Variants in TBCD observed in about 807,000 individuals in gnomAD.
The protein encoded by TBCD is tubulin-specific chaperone D.
TBCD carries 105 observed loss-of-function variants against 169.3 expected under a neutral mutation model. The observed-to-expected ratio is 0.62, with a 90% CI of 0.53 to 0.73. The LOEUF (loss-of-function observed/expected upper bound fraction) is 0.73. Ranked by LOEUF, TBCD falls within the 30% of genes least tolerant of loss-of-function variation. The pLI, the probability that TBCD is intolerant of heterozygous loss-of-function variation, is 0.00. For missense variants in TBCD, 1,444 were observed against 1,600.1 expected (o/e 0.90, Z 1.66); for synonymous variants, 700 against 643.9 (o/e 1.09, Z -1.32).
At chr17:82,938,233 T>C (rs186124468) in intron 36 of TBCD, 97 bp downstream of exon 36, 2 of 1,379,242 alleles carry the variant, frequency 1.5e-6, no homozygotes. Flanking sequence ...TGGTGTGCTT[T>C]CCAGCCGAGC....
In TBCD at chr17:82,916,942, G is replaced by A. The variant is rs74001727; in HGVS notation, c.2039-3614G>A. Among the ~76,000 whole-genome samples, 820 of 151,116 alleles carry A rather than the reference G, an allele frequency of 5.4e-3. 8 individuals carry two copies. Among genetic ancestry groups the A allele is most frequent in the African/African-American group, 0.019 (779 of 41,144 alleles). ...TTACCCACGTCTTGTCTGGATCACC[G>A]CACTTAATTCTTTACGCCTCCTTAC... On this transcript the variant is annotated intron_variant, in intron 23 of 38. Coordinates refer to ENST00000355528, the MANE Select transcript of TBCD (RefSeq NM_005993.5).
Position 82,897,683 on chromosome 17 carries a change from C to T in TBCD, c.1650-2968C>T, listed in dbSNP as rs530965071. On this transcript the variant is annotated intron_variant, in intron 17 of 38. Transcript: ENST00000355528. Reference sequence around the variant, plus strand: ...ACTGTGGTCAGTGTGGTGCACATGACCCTCCCTCCAGGAGGCGCCATCCTG... The same window carrying T: ...ACTGTGGTCAGTGTGGTGCACATGATCCTCCCTCCAGGAGGCGCCATCCTG... 1.1e-4 allele frequency among the ~76,000 whole-genome samples: 17 copies of T among 152,326 alleles called. No individual in the cohort carries two copies. In the South Asian group the frequency reaches 3.1e-3, roughly 28 times the overall value.
chr17:82,828,744 C>T (rs1254330543), intron 13 of TBCD, among the ~76,000 whole-genome samples: 1 of 131,830 alleles, frequency 7.6e-6, no homozygotes, highest in African/African-American at 2.6e-5. Context: ...TGCACACACC[C>T]AGAGATGCAC....
At position 82,768,500 on chromosome 17, in the gene TBCD, G is replaced by T; in HGVS notation, c.516G>T (p.Gly172=). 2.5e-6 allele frequency: 4 copies of T among 1,613,762 alleles called. No individual in the cohort carries two copies. Among genetic ancestry groups the T allele is most frequent in the Non-Finnish European group, 3.4e-6 (4 of 1,179,814 alleles). Residue 172 remains glycine (G), a synonymous_variant, in exon 5 of 39, where the codon GGG becomes GGT. Transcript: ENST00000355528. ...CTTTTGATTTTTCTCGCCTTGACGGGAACCTCCTCACCCAGCCTGGGCAAG... is the reference window on the plus strand; with the variant it reads ...CTTTTGATTTTTCTCGCCTTGACGGTAACCTCCTCACCCAGCCTGGGCAAG... The part of the protein sequence containing the change: ...LIPFDFSRLD[G]NLLTQPGQAR...
At chr17:82,918,656 G>C (rs949695046) in intron 23 of TBCD, 5 of 152,126 alleles carry the variant, frequency 3.3e-5, no homozygotes, top group African/African-American at 1.2e-4. Context: ...GTGCCGTTTC[G>C]TGAGAGGCTG....
At chr17:82,804,333 C>T (rs920368346) in intron 9 of TBCD, among the ~76,000 whole-genome samples, 15 of 152,284 alleles carry the variant, frequency 9.9e-5, no homozygotes, top group African/African-American at 3.6e-4. Context: ...TTTTTCCTCA[C>T]AGTTTTGGTG....
At chr17:82,791,428 TG>T (rs762871064) in intron 7 of TBCD, among the ~76,000 whole-genome samples, 19 of 152,272 alleles carry the variant, frequency 1.2e-4, no homozygotes, top group Middle Eastern at 3.4e-3. Flanking sequence ...CTTACCTCTG[TG>T]GTGGTTCACT....
intron 5 of TBCD, 147 bp from the exon 6 acceptor site, chr17:82,772,305 T>C: frequency 1.3e-6 from 1 of 773,578 alleles, no homozygotes; most frequent in Admixed American, 2.2e-5. Context: ...GGTTTTTTTT[T>C]GCAGCTTTGG....
Position 82,806,011 on chromosome 17 carries a change from G to C in TBCD, c.1087G>C (p.Glu363Gln), listed in dbSNP as rs780232843. ...DVPEGVERVIEQLLVGLKDKD... is the reference protein window; with the variant it reads ...DVPEGVERVIQQLLVGLKDKD... ...CCCAGAGGGGGTGGAGCGTGTGATA[G>C]GTGCGTGGGGTCTAAGCGGCGGCCT... is the stretch of plus-strand genomic sequence containing the variant. Residue 363 changes from glutamate to glutamine, a missense_variant and splice_region_variant, in exon 10 of 39, where the codon GAG becomes CAG. By Grantham distance (29) the Glu-to-Gln change is conservative. Transcript: ENST00000355528. The surrounding 1 kb of genome is among the most constrained non-coding windows in gnomAD (Gnocchi z 5.1). 1 of 1,613,166 alleles carries C rather than the reference G, an allele frequency of 6.2e-7. No individual in the cohort carries two copies. Among genetic ancestry groups the C allele is most frequent in the South Asian group, 1.1e-5 (1 of 91,062 alleles).
At position 82,756,130 on chromosome 17, in the gene TBCD, G is replaced by A. The variant is rs774050031; in HGVS notation, c.185-35G>A. On this transcript the variant is annotated intron_variant, in intron 1 of 38. Transcript: ENST00000355528. ...GAGGCTCATGGGTATGTTTGGCCTA[G>A]TGATAATTAATTTTCATGTTATATT... The A allele has an allele frequency of 3.0e-5, 47 of 1,566,098 alleles. No homozygotes were observed. In the South Asian group the frequency reaches 5.5e-4, roughly 18 times the overall value.
chr17:82,772,501 T>G lies in TBCD; in HGVS notation c.632T>G (p.Val211Gly). 6.2e-7 allele frequency: 1 copy of G among 1,613,986 alleles called. No individual in the cohort carries two copies. The highest frequency in any genetic ancestry group is 8.5e-7 in the Non-Finnish European group (1 of 1,179,888). ...GCCCGAGATGCAGCTGCTGTCCTTG[T>G]GTCCAGGTAAGTTTCCATGGCACAT... ...DKARDAAAVL[V>G]SRFITRPDVK... Residue 211 changes from valine (V) to glycine (G), a missense_variant, in exon 6 of 39, where the codon GTG (valine) becomes GGG (glycine). By Grantham distance (109) the Val-to-Gly change is moderately radical. Transcript: ENST00000355528.
intron 14 of TBCD, among the ~76,000 whole-genome samples, chr17:82,875,070 T>C (rs565844352): frequency 6.6e-6 from 1 of 152,332 alleles, no homozygotes; most frequent in East Asian, 1.9e-4. Flanking sequence ...TGGCTCACTT[T>C]TTCTAATTGG....
chr17:82,766,284 A>C lies in TBCD; in HGVS notation c.351A>C (p.Thr117=). 6.2e-7 allele frequency: 1 copy of C among 1,612,040 alleles called. No individual in the cohort carries two copies. The highest frequency in any genetic ancestry group is 8.5e-7 in the Non-Finnish European group (1 of 1,179,036). Residue 117 remains threonine (T), a synonymous_variant, in exon 4 of 39, where the codon ACA becomes ACC. Transcript: ENST00000355528. Reference sequence around the variant, plus strand: ...TTTGATAGGTTCGAGGCTATAAAACATTTCTTCGTTTATTTCCTCATGAAG... The same window carrying C: ...TTTGATAGGTTCGAGGCTATAAAACCTTTCTTCGTTTATTTCCTCATGAAG... ...YIITKVRGYK[T]FLRLFPHEVA...
intron 7 of TBCD, among the ~76,000 whole-genome samples, chr17:82,792,317 A>T (rs1012082095): frequency 6.8e-4 from 104 of 152,160 alleles, no homozygotes; most frequent in Non-Finnish European, 1.3e-3. Context: ...CCAAAAAAAA[A>T]AAAAAAATTA....
chr17:82,858,452 G>A (rs1349163059), intron 13 of TBCD: 4 of 437,800 alleles, frequency 9.1e-6, no homozygotes, highest in East Asian at 1.6e-4. Context: ...AGGCCTATTC[G>A]GCATTTAAAA....
chr17:82,921,615 C>T (rs746544315), intron 25 of TBCD, 38 bp downstream of exon 25: 57 of 1,593,174 alleles, frequency 3.6e-5, no homozygotes, highest in Non-Finnish European at 4.0e-5. Flanking sequence ...GGCGCTGTGG[C>T]GGTGTTAGTG....
At chr17:82,879,853 A>G (rs925642821) in intron 14 of TBCD, among the ~76,000 whole-genome samples, 8 of 151,490 alleles carry the variant, frequency 5.3e-5, no homozygotes, top group Non-Finnish European at 1.0e-4. Context: ...TTGACTTGGC[A>G]CAGTGCCCTT....
At chr17:82,776,862 G>GATTA (rs2144192901) in intron 6 of TBCD, among the ~76,000 whole-genome samples, 1 of 152,174 alleles carries the variant, frequency 6.6e-6, no homozygotes, top group East Asian at 1.9e-4. Context: ...CCCCAAATTG[G>GATTA]ATTAAACATG....
rs1378320795 is a variant in TBCD at position 82,806,160 on chromosome 17, C to T, written c.1087+149C>T. ...GCTGAGTGCACGGTCACTGCCCGTC[C>T]TCTGGCTCCTGAACCCAGGCCTGTC... On this transcript the variant is annotated intron_variant, in intron 10 of 38. Coordinates refer to ENST00000355528, the MANE Select transcript of TBCD (RefSeq NM_005993.5). The surrounding 1 kb of genome is among the most constrained non-coding windows in gnomAD (Gnocchi z 5.1). The T allele has an allele frequency of 1.0e-5, 11 of 1,095,298 alleles. No homozygotes were observed. Among genetic ancestry groups the T allele is most frequent in the Non-Finnish European group, 1.4e-5 (11 of 777,860 alleles). The allele number at this position is 1,095,298 out of a possible 1,614,324, so 67.8% of individuals were successfully genotyped here.
Sources: allele counts gnomAD v4.1 joint callset (sites outside exome capture counted in the v4.1 genomes callset), GRCh38; gene constraint gnomAD v4.1.1; non-coding constraint Gnocchi (gnomAD v3.1); transcripts MANE v1.5; gene names NCBI Gene and HGNC (gene_info 2026-07-23, HGNC 2026-07-21).